RSPO4: variants seen among roughly 807,000 people sequenced by gnomAD.
RSPO4 encodes R-spondin 4.
RSPO4 carries 23 observed loss-of-function variants against 24.8 expected under a neutral mutation model. The ratio of observed to expected loss-of-function variants is 0.93; its 90% CI spans 0.67 to 1.31. RSPO4 has a LOEUF of 1.31. Among genes scored for constraint, RSPO4 ranks in the 40% most tolerant of loss-of-function variants. The probability of loss-of-function intolerance (pLI) is 0.00; values close to 1 mark genes in which losing one functional copy is unlikely to be tolerated. For missense variants in RSPO4, 333 were observed against 316.5 expected (o/e 1.05, Z -0.39); for synonymous variants, 141 against 127.4 (o/e 1.11, Z -0.72).
intron 1 of RSPO4, among the ~76,000 whole-genome samples, chr20:987,629 TA>T (rs555507708): frequency 2.2e-3 from 321 of 143,494 alleles, no homozygotes; most frequent in Middle Eastern, 7.1e-3. Context: ...TCTATGAAAA[TA>T]AAAAAAAAAA....
chr20:999,093 G>A (rs1046469181), intron 1 of RSPO4, among the ~76,000 whole-genome samples: 6 of 151,510 alleles, frequency 4.0e-5, no homozygotes, highest in African/African-American at 7.3e-5. Context: ...GGGCTGAAGC[G>A]ATCCTCCCAC....
intron 1 of RSPO4, among the ~76,000 whole-genome samples, chr20:978,772 G>A (rs1398286043): frequency 1.3e-5 from 2 of 152,060 alleles, no homozygotes; most frequent in Non-Finnish European, 2.9e-5. Flanking sequence ...GCCAGGAGCA[G>A]GACTAGTTTG....
At chr20:985,197 A>C (rs1984876134) in intron 1 of RSPO4, among the ~76,000 whole-genome samples, 1 of 76,988 alleles carries the variant, frequency 1.3e-5, no homozygotes, top group Non-Finnish European at 2.2e-5. Context: ...CCATCTATCC[A>C]TCCCCATCCA....
At chr20:996,265 T>C (rs1985285738) in intron 1 of RSPO4, among the ~76,000 whole-genome samples, 1 of 152,224 alleles carries the variant, frequency 6.6e-6, no homozygotes, top group Non-Finnish European at 1.5e-5. Flanking sequence ...TCCATTTCAT[T>C]AGAAAATGCT....
chr20:964,358 G>C (rs1984112985), intron 3 of RSPO4, among the ~76,000 whole-genome samples: 1 of 152,174 alleles, frequency 6.6e-6, no homozygotes, highest in Admixed American at 6.5e-5. Context: ...TAAAGGAAAG[G>C]CTTCCTGGAG....
chr20:980,888 T>C (rs775879113), intron 1 of RSPO4, among the ~76,000 whole-genome samples: 37 of 152,222 alleles, frequency 2.4e-4, no homozygotes, highest in Non-Finnish European at 4.3e-4. Context: ...CTTCAAAAAC[T>C]GTCCTGTGAG....
chr20:987,730 G>C (rs553404935), intron 1 of RSPO4, among the ~76,000 whole-genome samples: 3 of 152,214 alleles, frequency 2.0e-5, no homozygotes, highest in African/African-American at 7.2e-5. Flanking sequence ...GGTCAAGGCT[G>C]CAATGAGCTA....
chr20:980,016 C>G (rs1180953614), intron 1 of RSPO4, among the ~76,000 whole-genome samples: 1 of 152,228 alleles, frequency 6.6e-6, no homozygotes, highest in African/African-American at 2.4e-5. Flanking sequence ...CTCACTTATG[C>G]AGCACCTGCC....
Position 981,739 on chromosome 20 carries a change from C to T in RSPO4, c.80-13601G>A, listed in dbSNP as rs963950224. On this transcript the variant is annotated intron_variant, in intron 1 of 4. Coordinates refer to ENST00000217260, the MANE Select transcript of RSPO4 (RefSeq NM_001029871.4). The surrounding 1 kb of genome is among the most constrained non-coding windows in gnomAD (Gnocchi z 4.6). ...ACAGGGGCAGGTATGTGCCGACACA[C>T]GAGACCCCTGTCTAAAGGATCTGCC... is the stretch of plus-strand genomic sequence containing the variant. Among the ~76,000 whole-genome samples the T allele has an allele frequency of 4.6e-5, 7 of 152,088 alleles. No homozygotes were observed. Among genetic ancestry groups the T allele is most frequent in the African/African-American group, 1.2e-4 (5 of 41,394 alleles).
At chr20:973,560 G>A (rs6086731) in intron 1 of RSPO4, among the ~76,000 whole-genome samples, 12,999 of 152,172 alleles carry the variant, frequency 0.085, 609 homozygotes, top group East Asian at 0.14. Context: ...TGCAAACTCC[G>A]TCTCCCAGGT....
rs1396610296 is a variant in RSPO4, at chr20:967,979, A to G, written c.239T>C (p.Ile80Thr). The change falls in exon 2 of 5, where the codon ATC becomes ACC. Residue 80 changes from isoleucine (I) to threonine (T), a missense_variant. By Grantham distance (89) the Ile-to-Thr change is moderately conservative. Transcript: ENST00000217260. ...LHDCPPGYFG[I>T]RGQEVNRCKK... is the part of the protein sequence containing the mutation. ...GCACCTGTTGACCTCCTGGCCGCGG[A>G]TGCCGAAGTACCCAGGGGGACAGTC... 3 of 1,614,242 alleles carry G rather than the reference A, an allele frequency of 1.9e-6. No individual in the cohort carries two copies. The highest frequency in any genetic ancestry group is 2.5e-6 in the Non-Finnish European group (3 of 1,180,042).
At chr20:995,709 TCTC>T (rs1568933265) in intron 1 of RSPO4, among the ~76,000 whole-genome samples, 1 of 152,074 alleles carries the variant, frequency 6.6e-6, no homozygotes, top group African/African-American at 2.4e-5. Context: ...TGGGCCTCAG[TCTC>T]CTCATCTATA....
At chr20:993,476 C>T (rs375350750) in intron 1 of RSPO4, among the ~76,000 whole-genome samples, 3 of 152,190 alleles carry the variant, frequency 2.0e-5, no homozygotes, top group African/African-American at 4.8e-5. Context: ...CCACAGAGAC[C>T]TGGGAGCACA....
At chr20:996,930 C>T (rs1985309131) in intron 1 of RSPO4, among the ~76,000 whole-genome samples, 1 of 152,204 alleles carries the variant, frequency 6.6e-6, no homozygotes, top group Admixed American at 6.5e-5. Flanking sequence ...ATCCTACTCC[C>T]CCCGATGGGG....
At chr20:971,629 G>A (rs1169085509) in intron 1 of RSPO4, among the ~76,000 whole-genome samples, 1 of 152,166 alleles carries the variant, frequency 6.6e-6, no homozygotes, top group Non-Finnish European at 1.5e-5. Flanking sequence ...GAATCATATA[G>A]TAAGAGCCAT....
At chr20:983,820 T>A (rs1257791617) in intron 1 of RSPO4, among the ~76,000 whole-genome samples, 1 of 152,130 alleles carries the variant, frequency 6.6e-6, no homozygotes, top group Non-Finnish European at 1.5e-5. Context: ...GCCTCAACAA[T>A]CCTGCAAGAT....
chr20:980,462 C>T (rs971044782), intron 1 of RSPO4, among the ~76,000 whole-genome samples: 2 of 152,244 alleles, frequency 1.3e-5, no homozygotes, highest in Non-Finnish European at 2.9e-5. Context: ...CCATCCTCCC[C>T]TCACCCCCAG....
chr20:988,714 C>T (rs1985000314), intron 1 of RSPO4, among the ~76,000 whole-genome samples: 1 of 152,068 alleles, frequency 6.6e-6, no homozygotes, highest in South Asian at 2.1e-4. Context: ...CCATGCCTGG[C>T]TAATTTTTGT....
rs1371026930 is a variant in RSPO4 at position 958,885 on chromosome 20, A to G, written c.*1472T>C. ...GTGTTCAGGCCAACCAGTCACGGCA[A>G]ATACAAATCCCGTTTCTGAGGATTC... On this transcript the variant is annotated 3_prime_UTR_variant, in exon 5 of 5. Transcript: ENST00000217260. The G allele has an allele frequency of 1.3e-5, 2 of 152,400 alleles. No individual in the cohort carries two copies. The highest frequency in any genetic ancestry group is 2.9e-5 in the Non-Finnish European group (2 of 68,248). 9.4% of individuals were successfully genotyped at this position (152,400 alleles called of 1,614,324 possible). A position where few individuals can be genotyped will look rare whatever the true frequency, so the allele number is the denominator to read the frequency against.
Sources: allele counts gnomAD v4.1 joint callset (sites outside exome capture counted in the v4.1 genomes callset), GRCh38; gene constraint gnomAD v4.1.1; non-coding constraint Gnocchi (gnomAD v3.1); transcripts MANE v1.5; gene names NCBI Gene and HGNC (gene_info 2026-07-23, HGNC 2026-07-21).